Variants in TRIM14 observed in about 807,000 individuals in gnomAD.
TRIM14 encodes the protein tripartite motif containing 14, also known as tripartite motif-containing protein 14.
Under a neutral mutation model 44.5 loss-of-function variants are expected in TRIM14, and 28 were observed. The observed-to-expected ratio is 0.63, with a 90% confidence interval of 0.47 to 0.86. The LOEUF is 0.86. TRIM14 is among the 40% of genes least tolerant of loss of function. TRIM14 has a pLI of 0.00. For missense variants in TRIM14, 607 were observed against 611.1 expected (o/e 0.99, Z 0.07); for synonymous variants, 299 against 269.2 (o/e 1.11, Z -1.08).
At chr9:98,072,591 A>T (rs1358451482) in intron 6 of TRIM14, among the ~76,000 whole-genome samples, 1 of 152,026 alleles carries the variant, frequency 6.6e-6, no homozygotes, top group Non-Finnish European at 1.5e-5. Context: ...TTGTATTTTT[A>T]GTAGAGACAG....
chr9:98,108,879 CTT>C (rs5899334), intron 2 of TRIM14, among the ~76,000 whole-genome samples: 12 of 120,180 alleles, frequency 1.0e-4, no homozygotes, highest in Non-Finnish European at 1.0e-4. Context: ...TCAGGGGTTC[CTT>C]TTTTTTTTTT....
intron 1 of TRIM14, among the ~76,000 whole-genome samples, chr9:98,112,087 C>G (rs572858638): frequency 6.6e-6 from 1 of 151,996 alleles, no homozygotes. Flanking sequence ...AATTGAGGAG[C>G]CATCTTTCTA....
the TRIM14 span, among the ~76,000 whole-genome samples, chr9:98,043,028 A>G: frequency 3.9e-5 from 6 of 152,298 alleles, no homozygotes; most frequent in South Asian, 1.2e-3. Flanking sequence ...TTGTGTATAC[A>G]ACACATAAAT....
chr9:98,073,276 T>C (rs1829429969), intron 6 of TRIM14, among the ~76,000 whole-genome samples: 1 of 73,446 alleles, frequency 1.4e-5, no homozygotes, highest in African/African-American at 9.2e-5. Flanking sequence ...ATGGGCTTTT[T>C]TTTTTTTTTT....
At chr9:98,115,032 A>G (rs1826997893) in intron 1 of TRIM14, among the ~76,000 whole-genome samples, 1 of 151,956 alleles carries the variant, frequency 6.6e-6, no homozygotes, top group Admixed American at 6.6e-5. Context: ...CTTTCTCTCT[A>G]CCTGATTTCA....
chr9:98,063,090 G>T, the TRIM14 span, among the ~76,000 whole-genome samples: 2 of 151,314 alleles, frequency 1.3e-5, no homozygotes, highest in Non-Finnish European at 2.9e-5. Context: ...AGGCCTGGCT[G>T]ATTTTTTTTG....
the TRIM14 span, among the ~76,000 whole-genome samples, chr9:98,046,165 A>G: frequency 1.3e-5 from 2 of 152,140 alleles, no homozygotes; most frequent in African/African-American, 4.8e-5. Flanking sequence ...ATCATTGGCT[A>G]AGTTAATCAA....
chr9:98,054,316 G>A, the TRIM14 span, among the ~76,000 whole-genome samples: 2 of 152,106 alleles, frequency 1.3e-5, no homozygotes, highest in East Asian at 1.9e-4. Flanking sequence ...AATTCCAAGA[G>A]TATTCCTTCC....
chr9:98,039,772 C>T, the TRIM14 span, among the ~76,000 whole-genome samples: 13 of 152,196 alleles, frequency 8.5e-5, no homozygotes, highest in Admixed American at 2.6e-4. Flanking sequence ...ATCAGCACTC[C>T]GGCTCACTGG....
At chr9:98,071,834 C>T (rs1048803180) in intron 6 of TRIM14, among the ~76,000 whole-genome samples, 1 of 152,220 alleles carries the variant, frequency 6.6e-6, no homozygotes, top group Non-Finnish European at 1.5e-5. Flanking sequence ...GTCCACGTTT[C>T]CTGGAAATGC....
At chr9:98,047,398 A>G in the TRIM14 span, among the ~76,000 whole-genome samples, 1 of 152,070 alleles carries the variant, frequency 6.6e-6, no homozygotes, top group Non-Finnish European at 1.5e-5. Context: ...GTAAATTAGT[A>G]CCAGTAGAGT....
chr9:98,036,500 G>GAAAAAAAAA, the TRIM14 span, among the ~76,000 whole-genome samples: 293 of 102,500 alleles, frequency 2.9e-3, 1 homozygote, highest in African/African-American at 0.01. Context: ...GACTCCATCT[G>GAAAAAAAAA]AAAAAAAAAA....
the TRIM14 span, among the ~76,000 whole-genome samples, chr9:98,045,837 A>T: frequency 1.0e-3 from 158 of 152,322 alleles, 1 homozygote; most frequent in African/African-American, 3.7e-3. Context: ...GCTGGGGATC[A>T]TGGTAAGTTC....
chr9:98,079,923 C>T (rs1324679806), downstream of TRIM14, among the ~76,000 whole-genome samples: 1 of 152,180 alleles, frequency 6.6e-6, no homozygotes, highest in South Asian at 2.1e-4. Context: ...TTTGTTAAAT[C>T]CCACCTGAGG....
chr9:98,066,148 G>A (rs1362443193), downstream of TRIM14, among the ~76,000 whole-genome samples: 1 of 152,156 alleles, frequency 6.6e-6, no homozygotes, highest in Non-Finnish European at 1.5e-5. Context: ...ATAGTAAGGA[G>A]AAATGTTATG....
intron 3 of TRIM14, 148 bp downstream of exon 3, chr9:98,099,783 C>G (rs1481829732): frequency 4.5e-6 from 3 of 667,520 alleles, no homozygotes; most frequent in Non-Finnish European, 7.7e-6. Flanking sequence ...CTCTTGACCA[C>G]CTGTGTGGGG....
the TRIM14 span, among the ~76,000 whole-genome samples, chr9:98,056,345 G>C: frequency 2.6e-3 from 403 of 152,322 alleles, no homozygotes; most frequent in African/African-American, 9.3e-3. Context: ...GGCTGGACTC[G>C]ATCCAGCTCT....
the TRIM14 span, among the ~76,000 whole-genome samples, chr9:98,042,278 G>T: frequency 7.5e-6 from 1 of 133,900 alleles, no homozygotes; most frequent in Admixed American, 7.6e-5. Context: ...AGGCGAACGT[G>T]CCAGACTCTG....
At chr9:98,081,084 T>G, downstream of TRIM14, 3 of 1,614,030 alleles carry the variant, frequency 1.9e-6, no homozygotes, top group Non-Finnish European at 2.5e-6. Flanking sequence ...AATGAGAAGG[T>G]GTGTCCTGCC....
Sources: allele counts gnomAD v4.1 joint callset (sites outside exome capture counted in the v4.1 genomes callset), GRCh38; gene constraint gnomAD v4.1.1; transcripts MANE v1.5; gene names NCBI Gene and HGNC (gene_info 2026-07-23, HGNC 2026-07-21).